TGFBRAP1: variants seen among roughly 807,000 people sequenced by gnomAD.
The protein encoded by TGFBRAP1 is transforming growth factor beta receptor associated protein 1.
Under a neutral mutation model 83.2 loss-of-function variants are expected in TGFBRAP1, and 20 were observed. The observed-to-expected ratio is 0.24, with a 90% CI of 0.17 to 0.35. The LOEUF (loss-of-function observed/expected upper bound fraction) is 0.35. Ranked by LOEUF, TGFBRAP1 falls within the 10% of genes least tolerant of loss-of-function variation. The pLI is 1.00. For missense variants in TGFBRAP1, 950 were observed against 1,099.4 expected (o/e 0.86, Z 1.92); for synonymous variants, 415 against 459.8 (o/e 0.90, Z 1.25).
At chr2:105,252,976 G>T in the TGFBRAP1 span, among the ~76,000 whole-genome samples, 2 of 151,894 alleles carry the variant, frequency 1.3e-5, no homozygotes, top group African/African-American at 2.4e-5. Context: ...GGATGGTCTC[G>T]ATCTCCTGAC....
chr2:105,310,683 T>C (rs566928805), intron 1 of TGFBRAP1, among the ~76,000 whole-genome samples: 1 of 152,242 alleles, frequency 6.6e-6, no homozygotes, highest in East Asian at 1.9e-4. Flanking sequence ...TTAAACAACA[T>C]CATGTATTTG....
chr2:105,276,355 G>A lies in TGFBRAP1; in HGVS notation c.1522-652C>T, dbSNP rs559446673. On this transcript the variant is annotated intron_variant, in intron 7 of 11. Transcript: ENST00000393359. ...TGGGGGTAGAAAGGATGACGGTTGC[G>A]TGGGTTCCTTCTGCAATACCTGCAT... is the stretch of plus-strand genomic sequence containing the variant. Among the ~76,000 whole-genome samples the A allele has an allele frequency of 1.9e-4, 29 of 152,264 alleles. No individual in the cohort carries two copies. The South Asian group carries it at 5.8e-3, about 31-fold the overall frequency.
At chr2:105,290,353 C>T (rs890656426) in intron 4 of TGFBRAP1, among the ~76,000 whole-genome samples, 3 of 152,114 alleles carry the variant, frequency 2.0e-5, no homozygotes, top group Non-Finnish European at 2.9e-5. Flanking sequence ...AGGCGTGAGT[C>T]GCTGCACCTG....
At chr2:105,293,104 C>T (rs1229163992) in intron 4 of TGFBRAP1, among the ~76,000 whole-genome samples, 3 of 152,022 alleles carry the variant, frequency 2.0e-5, no homozygotes, top group African/African-American at 7.2e-5. Flanking sequence ...GGAATGACGA[C>T]AATGGTACTG....
At chr2:105,278,434 T>C (rs539550111) in intron 6 of TGFBRAP1, among the ~76,000 whole-genome samples, 1 of 152,284 alleles carries the variant, frequency 6.6e-6, no homozygotes, top group Non-Finnish European at 1.5e-5. Context: ...GAAGTGCTAG[T>C]GTCCGGGACT....
chr2:105,303,282 T>G (rs1397508135), intron 2 of TGFBRAP1, among the ~76,000 whole-genome samples: 1 of 151,936 alleles, frequency 6.6e-6, no homozygotes, highest in Non-Finnish European at 1.5e-5. Flanking sequence ...TAAAATAAAA[T>G]AAAAAAGACA....
At chr2:105,316,549 G>C (rs1347914581) in intron 1 of TGFBRAP1, among the ~76,000 whole-genome samples, 1 of 151,252 alleles carries the variant, frequency 6.6e-6, no homozygotes, top group Non-Finnish European at 1.5e-5. Context: ...GCTCATGCCT[G>C]TAATCCTGTA....
intron 2 of TGFBRAP1, among the ~76,000 whole-genome samples, chr2:105,304,426 T>A (rs1395681905): frequency 6.6e-6 from 1 of 152,226 alleles, no homozygotes; most frequent in Non-Finnish European, 1.5e-5. Context: ...GGCTAAAGAA[T>A]GTTTTCTTCA....
In TGFBRAP1 at chr2:105,268,086, G is replaced by A. The variant is rs74994337; in HGVS notation, c.2407-527C>T. Among the ~76,000 whole-genome samples, 223 of 152,268 alleles carry A rather than the reference G, an allele frequency of 1.5e-3. 2 individuals are homozygous for A. Among genetic ancestry groups the A allele is most frequent in the African/African-American group, 5.3e-3 (219 of 41,550 alleles). On this transcript the variant is annotated intron_variant, in intron 11 of 11. Coordinates refer to ENST00000393359, the MANE Select transcript of TGFBRAP1 (RefSeq NM_004257.6). ...GGTGAAACTGAGTCTTAATGCCATC[G>A]GTCCCTGTCTGATCAACAGGACTTG...
At chr2:105,308,996 A>G (rs1678611879) in intron 1 of TGFBRAP1, among the ~76,000 whole-genome samples, 2 of 152,138 alleles carry the variant, frequency 1.3e-5, no homozygotes, top group Non-Finnish European at 2.9e-5. Flanking sequence ...GTGGAGAGTA[A>G]AGGTGTGCCT....
At chr2:105,278,054 G>A (rs1170701498) in intron 6 of TGFBRAP1, among the ~76,000 whole-genome samples, 1 of 149,292 alleles carries the variant, frequency 6.7e-6, no homozygotes, top group Non-Finnish European at 1.5e-5. Flanking sequence ...GTGAGACCCT[G>A]TCTCAAAAAA....
the TGFBRAP1 span, among the ~76,000 whole-genome samples, chr2:105,258,310 G>C: frequency 6.6e-6 from 1 of 152,184 alleles, no homozygotes. Context: ...GGGATGCCCA[G>C]ATTAAACATT....
chr2:105,315,761 A>G (rs548166867), intron 1 of TGFBRAP1, among the ~76,000 whole-genome samples: 1 of 152,356 alleles, frequency 6.6e-6, no homozygotes, highest in African/African-American at 2.4e-5. Flanking sequence ...GAAGGAGTTT[A>G]AAAGGGTAAA....
chr2:105,283,864 A>G (rs1358000968), intron 5 of TGFBRAP1, among the ~76,000 whole-genome samples: 1 of 152,228 alleles, frequency 6.6e-6, no homozygotes, highest in African/African-American at 2.4e-5. Flanking sequence ...ACATTTAGAA[A>G]GTCTTTAGAG....
At chr2:105,292,100 T>C (rs1677935418) in intron 4 of TGFBRAP1, among the ~76,000 whole-genome samples, 1 of 152,134 alleles carries the variant, frequency 6.6e-6, no homozygotes, top group Non-Finnish European at 1.5e-5. Flanking sequence ...GTCCCCATAT[T>C]CCCATTGTGA....
intron 8 of TGFBRAP1, 142 bp from the exon 9 acceptor site, chr2:105,273,832 G>T: frequency 9.4e-7 from 1 of 1,062,324 alleles, no homozygotes; most frequent in Non-Finnish European, 1.3e-6. Flanking sequence ...ACAGCTTTTT[G>T]TATGTCAATC....
intron 1 of TGFBRAP1, among the ~76,000 whole-genome samples, chr2:105,314,121 G>A (rs1255675872): frequency 6.6e-6 from 1 of 152,016 alleles, no homozygotes; most frequent in Non-Finnish European, 1.5e-5. Context: ...TGAAGACACA[G>A]AAAGAGGAAG....
At chr2:105,284,447 C>G (rs772994311) in intron 4 of TGFBRAP1, 49 bp from the exon 5 acceptor site, 1 of 1,564,218 alleles carries the variant, frequency 6.4e-7, no homozygotes, top group Non-Finnish European at 8.8e-7. Context: ...GAAACCATCA[C>G]GGCAGGGTTA....
the TGFBRAP1 span, among the ~76,000 whole-genome samples, chr2:105,254,999 T>C: frequency 6.6e-6 from 1 of 152,184 alleles, no homozygotes; most frequent in Admixed American, 6.5e-5. Flanking sequence ...TAAGTTTCTG[T>C]TGCCTAAGTC....
Sources: allele counts gnomAD v4.1 joint callset (sites outside exome capture counted in the v4.1 genomes callset), GRCh38; gene constraint gnomAD v4.1.1; transcripts MANE v1.5; gene names NCBI Gene and HGNC (gene_info 2026-07-23, HGNC 2026-07-21).